The following NALF2 variants were observed in gnomAD, a reference collection of about 807,000 sequenced individuals.
The protein encoded by NALF2 is bB57D9.1 (TED protein).
A neutral mutation model predicts 24.8 loss-of-function variants in NALF2; 1 was observed. The ratio of observed to expected loss-of-function variants is 0.04; its 90% CI spans 0.01 to 0.19. The LOEUF is 0.19. NALF2 is among the 10% of genes least tolerant of loss of function. The pLI, the probability that NALF2 is intolerant of heterozygous loss-of-function variation, is 1.00. For synonymous variants in NALF2, 254 were observed against 189.8 expected, an observed-to-expected ratio of 1.34 and a Z score of -2.78; for missense variants, 458 against 409.6, an observed-to-expected ratio of 1.12 and a Z score of -1.02.
chrX:69,505,625 G>T lies in NALF2; in HGVS notation c.343G>T (p.Gly115Cys), dbSNP rs371501879. 9 of 1,146,358 alleles carry T rather than the reference G, an allele frequency of 7.9e-6. No homozygotes were observed. In the African/African-American group the frequency reaches 1.3e-4, roughly 17 times the overall value. 94.5% of individuals were successfully genotyped at this position (1,146,358 alleles called of 1,213,427 possible). The change falls in exon 1 of 3, where the codon GGC becomes TGC. Residue 115 changes from glycine to cysteine, a missense_variant. Coordinates refer to ENST00000252338, the MANE Select transcript of NALF2 (RefSeq NM_015686.3). ...GEPSAPPGTC[G>C]PRYSNLTKAA... is the part of the protein sequence containing the mutation. Reference sequence around the variant, plus strand: ...GCCCAGCGCGCCCCCAGGCACCTGCGGCCCCAGATACAGCAACCTGACCAA... The same window carrying T: ...GCCCAGCGCGCCCCCAGGCACCTGCTGCCCCAGATACAGCAACCTGACCAA...
rs752082551 is a variant in NALF2, at chrX:69,529,658, A to G, written c.1121A>G (p.Lys374Arg). The G allele has an allele frequency of 3.3e-6, 4 of 1,208,301 alleles. No individual in the cohort carries two copies. Among genetic ancestry groups the G allele is most frequent in the Non-Finnish European group, 2.2e-6 (2 of 894,494 alleles). Reference protein sequence around the residue: ...VSCEAKKKKFKESEAPKTHQQ... With the variant: ...VSCEAKKKKFRESEAPKTHQQ... ...TGTGAGGCGAAGAAGAAGAAGTTCAAGGAGTCTGAGGCCCCCAAAACCCAC... is the reference window on the plus strand; with the variant it reads ...TGTGAGGCGAAGAAGAAGAAGTTCAGGGAGTCTGAGGCCCCCAAAACCCAC... The change falls in exon 3 of 3, where the codon AAG becomes AGG. Residue 374 changes from lysine (K) to arginine (R), a missense_variant. Lys to Arg is a conservative substitution (Grantham distance 26). Coordinates refer to ENST00000252338, the MANE Select transcript of NALF2 (RefSeq NM_015686.3).
At chrX:69,519,070 T>C (rs1930700273) in intron 1 of NALF2, among the ~76,000 whole-genome samples, 1 of 112,353 alleles carries the variant, frequency 8.9e-6, no homozygotes, top group Non-Finnish European at 1.9e-5. Flanking sequence ...AGCTGAGTTA[T>C]GTAGAATACT....
chrX:69,518,089 G>A (rs1336694271), intron 1 of NALF2, among the ~76,000 whole-genome samples: 1 of 112,012 alleles, frequency 8.9e-6, no homozygotes, highest in African/African-American at 3.2e-5. Context: ...AGAAGCTCCC[G>A]AAGCTCCCAA....
Position 69,505,116 on chromosome X carries a change from TCCGGCCTGAGCGGGGCATCGCGCCGG to T in NALF2, c.-158_-133del, listed in dbSNP as rs1244520242. 5.9e-5 allele frequency: 21 copies of T among 353,253 alleles called. No homozygotes were observed. Among genetic ancestry groups the T allele is most frequent in the Admixed American group, 2.0e-4 (3 of 15,083 alleles). 29.1% of individuals were successfully genotyped at this position (353,253 alleles called of 1,213,427 possible). On this transcript the variant is annotated 5_prime_UTR_variant, in exon 1 of 3. Transcript: ENST00000252338. ...AGACGGCACCAGAGCGCCCCGCGAC[TCCGGCCTGAGCGGGGCATCGCGCCGG>T]CCGGCCTGCCTCACCATGCAGCCCC... is the stretch of plus-strand genomic sequence containing the variant.
intron 1 of NALF2, among the ~76,000 whole-genome samples, chrX:69,524,686 A>G (rs1449162720): frequency 9.0e-6 from 1 of 111,011 alleles, no homozygotes; most frequent in Non-Finnish European, 1.9e-5. Context: ...AAACAGGGCA[A>G]GCTACCTAGG....
intron 1 of NALF2, among the ~76,000 whole-genome samples, chrX:69,526,422 G>A (rs1930809506): frequency 8.9e-6 from 1 of 111,890 alleles, no homozygotes; most frequent in African/African-American, 3.3e-5. Flanking sequence ...CAAATTAGAT[G>A]TGTCTACCCA....
At chrX:69,529,548 A>G in intron 2 of NALF2, 23 bp from the exon 3 acceptor site, 2 of 1,194,627 alleles carry the variant, frequency 1.7e-6, no homozygotes, top group Non-Finnish European at 2.3e-6. Context: ...GCACCCCACC[A>G]CACCTTCCTT....
chrX:69,528,986 C>A lies in NALF2; in HGVS notation c.862-7C>A. The A allele has an allele frequency of 8.3e-7, 1 of 1,203,620 alleles. No homozygotes were observed. The highest frequency in any genetic ancestry group is 1.7e-5 in the African/African-American group (1 of 57,676). On this transcript the variant is annotated splice_polypyrimidine_tract_variant and splice_region_variant and intron_variant, in intron 1 of 2. Transcript: ENST00000252338. ...ACATGGGCTGATGCTCTTTCCTCTCCCCACAGGCTGTCTACAAGGCCTGGC... is the reference window on the plus strand; with the variant it reads ...ACATGGGCTGATGCTCTTTCCTCTCACCACAGGCTGTCTACAAGGCCTGGC...
At position 69,504,834 on chromosome X, in the gene NALF2, G is replaced by A. The variant is rs1254086582; in HGVS notation, c.-449G>A. On this transcript the variant is annotated 5_prime_UTR_variant, in exon 1 of 3. Transcript: ENST00000252338. The stretch of plus-strand genomic sequence containing the variant: ...AGCGCGGCGGCGGGGCCCGCACGGC[G>A]GCGCTGAGGGGCGCAGAGCTGCGCC... Among the ~76,000 whole-genome samples, 1 of 107,989 alleles carries A rather than the reference G, an allele frequency of 9.3e-6. No individual in the cohort carries two copies. The highest frequency in any genetic ancestry group is 1.9e-5 in the Non-Finnish European group (1 of 51,430). The allele number at this position is 107,989 out of a possible 115,157, so 93.8% of individuals were successfully genotyped here. A position where few individuals can be genotyped will look rare whatever the true frequency, so the allele number is the denominator to read the frequency against.
intron 1 of NALF2, among the ~76,000 whole-genome samples, chrX:69,526,841 A>G (rs5980820): frequency 0.3 from 33,314 of 111,058 alleles, 3,821 homozygotes; most frequent in African/African-American, 0.38. Flanking sequence ...ATGTTCAAGG[A>G]AAAGAAAGAA....
intron 1 of NALF2, among the ~76,000 whole-genome samples, chrX:69,516,419 G>A (rs1308645642): frequency 1.8e-5 from 2 of 112,295 alleles, no homozygotes; most frequent in African/African-American, 6.5e-5. Flanking sequence ...AGAATCTGAA[G>A]CCAGCTCTAA....
At chrX:69,516,635 G>T (rs1930665380) in intron 1 of NALF2, among the ~76,000 whole-genome samples, 1 of 111,851 alleles carries the variant, frequency 8.9e-6, no homozygotes, top group African/African-American at 3.3e-5. Context: ...CATGTTCTGA[G>T]GCAAGAAAAT....
Position 69,529,062 on chromosome X carries a change from C to G in NALF2, c.931C>G (p.Pro311Ala). 1 of 1,210,614 alleles carries G rather than the reference C, an allele frequency of 8.3e-7. No individual in the cohort carries two copies. Among genetic ancestry groups the G allele is most frequent in the East Asian group, 3.0e-5 (1 of 33,789 alleles). ...CCAGCAGGAATGCCAGCGCTGGGTG[C>G]CCTGCAAGCAATACTGCCTGGAGGT... is the stretch of plus-strand genomic sequence containing the variant. Reference protein sequence around the residue: ...VTQQECQRWVPCKQYCLEVQT... With the variant: ...VTQQECQRWVACKQYCLEVQT... Residue 311 changes from proline (P) to alanine (A), a missense_variant, in exon 2 of 3, where the codon CCC becomes GCC. Coordinates refer to ENST00000252338, the MANE Select transcript of NALF2 (RefSeq NM_015686.3).
intron 1 of NALF2, among the ~76,000 whole-genome samples, chrX:69,506,465 T>TC (rs1214520831): frequency 3.6e-5 from 4 of 112,567 alleles, no homozygotes; most frequent in Non-Finnish European, 7.5e-5. Flanking sequence ...GGGATTGTGC[T>TC]CCCCCCAGCC....
Position 69,505,793 on chromosome X carries a change from T to G in NALF2, c.511T>G (p.Ser171Ala), listed in dbSNP as rs1453116950. Residue 171 changes from serine (S) to alanine (A), a missense_variant, in exon 1 of 3, where the codon TCC becomes GCC. Transcript: ENST00000252338. ...TPAPPLRPPD[S>A]LSRAPAEFPS... is the part of the protein sequence containing the mutation. ...GGCCCCCCCTCTGCGGCCCCCTGAC[T>G]CCCTTTCCCGTGCCCCGGCCGAGTT... is the stretch of plus-strand genomic sequence containing the variant. 7 of 1,206,817 alleles carry G rather than the reference T, an allele frequency of 5.8e-6. No individual in the cohort carries two copies. The highest frequency in any genetic ancestry group is 7.8e-6 in the Non-Finnish European group (7 of 893,529).
At chrX:69,514,292 A>G (rs1441300020) in intron 1 of NALF2, among the ~76,000 whole-genome samples, 1 of 111,167 alleles carries the variant, frequency 9.0e-6, no homozygotes, top group Non-Finnish European at 1.9e-5. Context: ...GGTACTTCAT[A>G]TAAGTGGAGT....
intron 1 of NALF2, among the ~76,000 whole-genome samples, chrX:69,526,191 A>T (rs1930805916): frequency 9.0e-6 from 1 of 111,555 alleles, no homozygotes; most frequent in Non-Finnish European, 1.9e-5. Context: ...CTGTTCTCTT[A>T]ACACACCATG....
At chrX:69,527,004 T>C (rs977320299) in intron 1 of NALF2, among the ~76,000 whole-genome samples, 2 of 111,342 alleles carry the variant, frequency 1.8e-5, no homozygotes, top group African/African-American at 6.5e-5. Context: ...GTGTGGACAG[T>C]GGATTGGAAA....
intron 1 of NALF2, 90 bp downstream of exon 1, chrX:69,506,233 C>T: frequency 1.0e-6 from 1 of 998,023 alleles, no homozygotes; most frequent in Non-Finnish European, 1.4e-6. Flanking sequence ...GTCTCCCTTT[C>T]TACCCACCCC....
Sources: allele counts gnomAD v4.1 joint callset (sites outside exome capture counted in the v4.1 genomes callset), GRCh38; gene constraint gnomAD v4.1.1; transcripts MANE v1.5; gene names NCBI Gene and HGNC (gene_info 2026-07-23, HGNC 2026-07-21).